KPNA5: variants seen among roughly 807,000 people sequenced by gnomAD.
KPNA5 encodes the protein karyopherin subunit alpha 5.
Under a neutral mutation model 71.3 loss-of-function variants are expected in KPNA5, and 46 were observed. That is an observed-to-expected ratio of 0.65 (90% CI 0.51 to 0.83). The LOEUF is 0.83. KPNA5 is among the 40% of genes least tolerant of loss of function. The pLI, the probability that KPNA5 is intolerant of heterozygous loss-of-function variation, is 0.00. For synonymous variants in KPNA5, 207 were observed against 201.4 expected (o/e 1.03, Z -0.24); for missense variants, 547 against 628.3 (o/e 0.87, Z 1.38).
At chr6:116,691,690 T>C (rs1200168531) in intron 2 of KPNA5, among the ~76,000 whole-genome samples, 1 of 152,240 alleles carries the variant, frequency 6.6e-6, no homozygotes, top group Non-Finnish European at 1.5e-5. Context: ...GCAACAGATG[T>C]GCTTTTTAAG....
At chr6:116,730,038 G>A (rs1779427001) in intron 13 of KPNA5, among the ~76,000 whole-genome samples, 1 of 147,646 alleles carries the variant, frequency 6.8e-6, no homozygotes, top group Admixed American at 6.8e-5. Flanking sequence ...TTATTATAAT[G>A]GCCACATAAT....
At chr6:116,701,206 C>T (rs993278459) in intron 5 of KPNA5, among the ~76,000 whole-genome samples, 4 of 151,984 alleles carry the variant, frequency 2.6e-5, no homozygotes, top group East Asian at 1.9e-4. Context: ...TGTACGTTTA[C>T]GTGAAAAGTT....
At chr6:116,686,560 C>T (rs894902924) in intron 1 of KPNA5, among the ~76,000 whole-genome samples, 2 of 152,128 alleles carry the variant, frequency 1.3e-5, no homozygotes, top group South Asian at 4.1e-4. Flanking sequence ...TTAATTAGAT[C>T]CCATTTGTCA....
Position 116,717,239 on chromosome 6 carries a change from G to A in KPNA5, c.756+921G>A, listed in dbSNP as rs190810826. Among the ~76,000 whole-genome samples, 598 of 152,288 alleles carry A rather than the reference G, an allele frequency of 3.9e-3. 15 individuals are homozygous for A. In the South Asian group the frequency reaches 0.041, roughly 10 times the overall value. On this transcript the variant is annotated intron_variant, in intron 8 of 13. Transcript: ENST00000368564. ...GTGCAAATGTCAACAAAATGAGAAAGACGAATGATGTCTTAGTATTATTAT... is the reference window on the plus strand; with the variant it reads ...GTGCAAATGTCAACAAAATGAGAAAAACGAATGATGTCTTAGTATTATTAT...
In KPNA5 at chr6:116,692,311, G is replaced by C; in HGVS notation, c.259G>C (p.Asp87His). Residue 87 changes from aspartate to histidine, a missense_variant, in exon 4 of 14, where the codon GAT becomes CAT. By Grantham distance (81) the Asp-to-His change is moderately conservative. Coordinates refer to ENST00000368564, the MANE Select transcript of KPNA5 (RefSeq NM_001366306.2). ...GTTTTAGGAAGAAGTTGTTACTACA[G>C]ATATGGTTCAGATGATTTTTTCTAA... ...PIPEEEVVTT[D>H]MVQMIFSNNA... The C allele has an allele frequency of 1.3e-6, 2 of 1,599,038 alleles. No individual in the cohort carries two copies. Among genetic ancestry groups the C allele is most frequent in the East Asian group, 4.5e-5 (2 of 44,570 alleles).
chr6:116,696,051 T>G (rs1778015322), intron 4 of KPNA5, among the ~76,000 whole-genome samples: 1 of 152,198 alleles, frequency 6.6e-6, no homozygotes, highest in South Asian at 2.1e-4. Flanking sequence ...GTCTAAATAC[T>G]ATATTTCTGA....
intron 7 of KPNA5, among the ~76,000 whole-genome samples, chr6:116,710,446 C>A (rs189841117): frequency 6.6e-6 from 1 of 151,892 alleles, no homozygotes; most frequent in Non-Finnish European, 1.5e-5. Flanking sequence ...GGGGTACACG[C>A]GGTGTTTTGA....
chr6:116,705,017 A>G, intron 6 of KPNA5, 55 bp from the exon 7 acceptor site: 1 of 1,286,776 alleles, frequency 7.8e-7, no homozygotes, highest in Non-Finnish European at 1.1e-6. Context: ...CTCATTCCTA[A>G]AGGAAAGCCT....
intron 13 of KPNA5, 78 bp from the exon 14 acceptor site, chr6:116,732,058 T>A: frequency 4.2e-6 from 1 of 239,456 alleles, no homozygotes. Flanking sequence ...ATACTGAAAT[T>A]GTAGTAACAG....
At chr6:116,709,805 G>A (rs1001046281) in intron 7 of KPNA5, among the ~76,000 whole-genome samples, 1 of 149,702 alleles carries the variant, frequency 6.7e-6, no homozygotes, top group Admixed American at 6.7e-5. Context: ...ATGCTCTGTC[G>A]CCAGGCTTGA....
In KPNA5 at chr6:116,741,219, C is replaced by G. The variant is rs994186410; in HGVS notation, c.*8896C>G. On this transcript the variant is annotated 3_prime_UTR_variant, in exon 14 of 14. Transcript: ENST00000368564. ...CTGCTTAATTCATCAGTTTCTAACT[C>G]GCCAGTTTCTAAGAGAGGTGTGTTA... 6.6e-6 allele frequency: 1 copy of G among 152,062 alleles called. No individual in the cohort carries two copies. The highest frequency in any genetic ancestry group is 1.5e-5 in the Non-Finnish European group (1 of 68,026). The allele number at this position is 152,062 out of a possible 1,614,324, so 9.4% of individuals were successfully genotyped here.
chr6:116,737,757 C>T lies in KPNA5; in HGVS notation c.*5434C>T, dbSNP rs1334299846. ...TACCAATCTATGTTCTTTTTAAAAT[C>T]TCTGTTTAATGTGGGCTTTGATCAT... On this transcript the variant is annotated 3_prime_UTR_variant, in exon 14 of 14. Coordinates refer to ENST00000368564, the MANE Select transcript of KPNA5 (RefSeq NM_001366306.2). The T allele has an allele frequency of 6.6e-6, 1 of 151,902 alleles. No individual in the cohort carries two copies. The highest frequency in any genetic ancestry group is 1.9e-4 in the East Asian group (1 of 5,194). 9.4% of individuals were successfully genotyped at this position (151,902 alleles called of 1,614,324 possible). A position where few individuals can be genotyped will look rare whatever the true frequency, so the allele number is the denominator to read the frequency against.
intron 8 of KPNA5, among the ~76,000 whole-genome samples, chr6:116,716,730 A>T (rs1416126786): frequency 1.3e-5 from 2 of 152,204 alleles, no homozygotes; most frequent in Non-Finnish European, 2.9e-5. Context: ...AGAAATACAG[A>T]TGATTAATTA....
intron 9 of KPNA5, among the ~76,000 whole-genome samples, chr6:116,722,874 A>C (rs143197615): frequency 1.9e-4 from 29 of 152,364 alleles, no homozygotes; most frequent in African/African-American, 6.5e-4. Context: ...CTCTTTAAAA[A>C]ATGTATTATC....
At chr6:116,724,664 C>T (rs866816543) in intron 10 of KPNA5, among the ~76,000 whole-genome samples, 1 of 152,166 alleles carries the variant, frequency 6.6e-6, no homozygotes. Flanking sequence ...GATCATGGCT[C>T]ACTGCAGCCT....
At position 116,698,690 on chromosome 6, in the gene KPNA5, T is replaced by C. The variant is rs768459657; in HGVS notation, c.341-14T>C. 6.7e-7 allele frequency: 1 copy of C among 1,490,240 alleles called. No homozygotes were observed. The highest frequency in any genetic ancestry group is 1.8e-5 in the Admixed American group (1 of 54,728). 92.3% of individuals were successfully genotyped at this position (1,490,240 alleles called of 1,614,324 possible). On this transcript the variant is annotated splice_polypyrimidine_tract_variant and intron_variant, in intron 4 of 13. Coordinates refer to ENST00000368564, the MANE Select transcript of KPNA5 (RefSeq NM_001366306.2). ...TGTGTCTTTGTAATAACTGAAGTCT[T>C]TTTAAATTTTTAGAACCTAATCCAC... is the stretch of plus-strand genomic sequence containing the variant.
chr6:116,699,004 G>T (rs1376354834), intron 5 of KPNA5, among the ~76,000 whole-genome samples: 1 of 151,820 alleles, frequency 6.6e-6, no homozygotes, highest in African/African-American at 2.4e-5. Flanking sequence ...AAGCAATTTT[G>T]GAAAAAGTAT....
chr6:116,720,598 T>C (rs62424412), intron 8 of KPNA5, among the ~76,000 whole-genome samples: 7,448 of 152,296 alleles, frequency 0.049, 196 homozygotes, highest in African/African-American at 0.069. Context: ...ATGCCTGTTA[T>C]TCCAGCATTT....
rs1306588094 is a variant in KPNA5 at position 116,705,100 on chromosome 6, G to T, written c.596G>T (p.Gly199Val). The T allele has an allele frequency of 6.2e-7, 1 of 1,612,286 alleles. No homozygotes were observed. The highest frequency in any genetic ancestry group is 8.5e-7 in the Non-Finnish European group (1 of 1,179,442). Residue 199 changes from glycine (G) to valine (V), a missense_variant, in exon 7 of 14, where the codon GGT (glycine) becomes GTT (valine). By Grantham distance (109) the Gly-to-Val change is moderately radical (BLOSUM62 -3). Transcript: ENST00000368564. ...QAVWALGNIA[G>V]DNAECRDFVL... ...GTTTGGGCACTTGGTAATATTGCTG[G>T]TGACAATGCAGAATGCAGAGATTTT... is the stretch of plus-strand genomic sequence containing the variant.
Sources: allele counts gnomAD v4.1 joint callset (sites outside exome capture counted in the v4.1 genomes callset), GRCh38; gene constraint gnomAD v4.1.1; transcripts MANE v1.5; gene names NCBI Gene and HGNC (gene_info 2026-07-23, HGNC 2026-07-21).